Variants in OR7D4 observed in about 807,000 individuals in gnomAD.
OR7D4 encodes the protein olfactory receptor family 7 subfamily D member 4.
For missense variants in OR7D4, 319 were observed against 377.1 expected (o/e 0.85, Z 1.27); for synonymous variants, 154 against 158.4 (o/e 0.97, Z 0.21).
chr19:9,215,070 C>T lies in OR7D4; in HGVS notation c.-13-220G>A, dbSNP rs541408642. ...TTAGAAATCTCTCTCTTTGGCCGGGCATGGTGGCTCACGCCTGTAATCCCA... is the reference window on the plus strand; with the variant it reads ...TTAGAAATCTCTCTCTTTGGCCGGGTATGGTGGCTCACGCCTGTAATCCCA... On this transcript the variant is annotated intron_variant, in intron 1 of 1. Coordinates refer to ENST00000641669, the MANE Select transcript of OR7D4 (RefSeq NM_001005191.3). 2.0e-5 allele frequency among the ~76,000 whole-genome samples: 3 copies of T among 152,238 alleles called. No individual in the cohort carries two copies. The South Asian group carries it at 6.2e-4, about 32-fold the overall frequency.
chr19:9,211,683 A>G lies in OR7D4; in HGVS notation c.*2216T>C, dbSNP rs1226778074. On this transcript the variant is annotated 3_prime_UTR_variant, in exon 2 of 2. Coordinates refer to ENST00000641669, the MANE Select transcript of OR7D4 (RefSeq NM_001005191.3). ...CATGGTGAAACCCCATCTCTACTAAAAATACAAAAGATTAGCCGGGCATGG... is the reference window on the plus strand; with the variant it reads ...CATGGTGAAACCCCATCTCTACTAAGAATACAAAAGATTAGCCGGGCATGG... 2.6e-5 allele frequency: 4 copies of G among 151,464 alleles called. No homozygotes were observed. The highest frequency in any genetic ancestry group is 5.9e-5 in the Non-Finnish European group (4 of 68,050). 9.4% of individuals were successfully genotyped at this position (151,464 alleles called of 1,614,324 possible). A position where few individuals can be genotyped will look rare whatever the true frequency, so the allele number is the denominator to read the frequency against.
At chr19:9,217,900 G>C (rs2051227235) in intron 1 of OR7D4, among the ~76,000 whole-genome samples, 4 of 152,152 alleles carry the variant, frequency 2.6e-5, no homozygotes, top group Admixed American at 1.3e-4. Flanking sequence ...GCTGACAGAA[G>C]AGAATTCGAG....
rs944865091 is a variant in OR7D4, at chr19:9,210,732, C to G, written c.*3167G>C. 7 of 148,954 alleles carry G rather than the reference C, an allele frequency of 4.7e-5. No individual in the cohort carries two copies. The highest frequency in any genetic ancestry group is 1.3e-4 in the Admixed American group (2 of 15,088). 9.2% of individuals were successfully genotyped at this position (148,954 alleles called of 1,614,324 possible). On this transcript the variant is annotated 3_prime_UTR_variant, in exon 2 of 2. Coordinates refer to ENST00000641669, the MANE Select transcript of OR7D4 (RefSeq NM_001005191.3). ...CAACACACACAACACAGAGTCTACA[C>G]TAGGGAGTTCTCCGCCTGAAGTGAG...
chr19:9,218,120 G>A (rs1267784960), intron 1 of OR7D4, among the ~76,000 whole-genome samples: 1 of 152,290 alleles, frequency 6.6e-6, no homozygotes, highest in African/African-American at 2.4e-5. Context: ...AAGGATTTAC[G>A]TGGTGCCCAG....
Position 9,210,501 on chromosome 19 carries a change from G to GA in OR7D4, c.*3397_*3398insT, listed in dbSNP as rs1210193089. ...TGGTGGCGCAGGAGGATTACTTGAGGCCAGGAATTCAAGGCTGCAGTGAGC... is the reference window on the plus strand; with the variant it reads ...TGGTGGCGCAGGAGGATTACTTGAGGACCAGGAATTCAAGGCTGCAGTGAGC... On this transcript the variant is annotated 3_prime_UTR_variant, in exon 2 of 2. Coordinates refer to ENST00000641669, the MANE Select transcript of OR7D4 (RefSeq NM_001005191.3). 2.6e-5 allele frequency: 4 copies of GA among 152,188 alleles called. No individual in the cohort carries two copies. The highest frequency in any genetic ancestry group is 2.9e-5 in the Non-Finnish European group (2 of 68,120). The allele number at this position is 152,188 out of a possible 1,614,324, so 9.4% of individuals were successfully genotyped here.
At position 9,211,403 on chromosome 19, in the gene OR7D4, A is replaced by G. The variant is rs1041526906; in HGVS notation, c.*2496T>C. The stretch of plus-strand genomic sequence containing the variant: ...AAGATCAGCAGTTTCTAACATGCCA[A>G]CATAGATCAATCAGACAGAAAGAAT... On this transcript the variant is annotated 3_prime_UTR_variant, in exon 2 of 2. Transcript: ENST00000641669. 6.6e-6 allele frequency: 1 copy of G among 152,254 alleles called. No individual in the cohort carries two copies. The highest frequency in any genetic ancestry group is 1.5e-5 in the Non-Finnish European group (1 of 68,054). The allele number at this position is 152,254 out of a possible 1,614,324, so 9.4% of individuals were successfully genotyped here.
At chr19:9,218,018 A>T (rs2051229143) in intron 1 of OR7D4, among the ~76,000 whole-genome samples, 1 of 152,214 alleles carries the variant, frequency 6.6e-6, no homozygotes. Flanking sequence ...GAAATAGAAC[A>T]TCCTATATTC....
Position 9,214,301 on chromosome 19 carries a change from A to G in OR7D4, c.537T>C (p.Cys179=). Residue 179 remains cysteine (C), a synonymous_variant, in exon 2 of 2, where the codon TGT becomes TGC. Transcript: ENST00000641669. The part of the protein sequence containing the change: ...STGTEIPHFF[C]EPAQVLKVAC... ...CCACCTTGAGGACCTGAGCCGGTTCACAGAAGAAATGCGGAATCTCAGTGC... is the reference window on the plus strand; with the variant it reads ...CCACCTTGAGGACCTGAGCCGGTTCGCAGAAGAAATGCGGAATCTCAGTGC... The G allele has an allele frequency of 6.2e-7, 1 of 1,614,206 alleles. No individual in the cohort carries two copies. The highest frequency in any genetic ancestry group is 8.5e-7 in the Non-Finnish European group (1 of 1,180,034).
intron 1 of OR7D4, 41 bp from the exon 2 acceptor site, chr19:9,214,891 A>T: frequency 3.9e-6 from 4 of 1,037,688 alleles, no homozygotes; most frequent in Admixed American, 2.1e-5. Flanking sequence ...AATGAACAGC[A>T]AGTGGCAGCT....
At position 9,212,249 on chromosome 19, in the gene OR7D4, T is replaced by A. The variant is rs1440216610; in HGVS notation, c.*1650A>T. On this transcript the variant is annotated 3_prime_UTR_variant, in exon 2 of 2. Coordinates refer to ENST00000641669, the MANE Select transcript of OR7D4 (RefSeq NM_001005191.3). ...TTTTGTTTTATTTATTTATTTTGTT[T>A]TATGTTTTAGACAGAGTCTTGCTCT... The A allele has an allele frequency of 6.6e-6, 1 of 152,188 alleles. No individual in the cohort carries two copies. The highest frequency in any genetic ancestry group is 1.5e-5 in the Non-Finnish European group (1 of 68,028). The allele number at this position is 152,188 out of a possible 1,614,324, so 9.4% of individuals were successfully genotyped here. A position where few individuals can be genotyped will look rare whatever the true frequency, so the allele number is the denominator to read the frequency against.
chr19:9,217,728 A>G (rs2051225403), intron 1 of OR7D4, among the ~76,000 whole-genome samples: 1 of 152,112 alleles, frequency 6.6e-6, no homozygotes, highest in Admixed American at 6.6e-5. Context: ...TAGTAGAGAC[A>G]GGGTTTCACC....
rs757396855 is a variant in OR7D4, at chr19:9,213,978, G to A, written c.860C>T (p.Pro287Leu). The A allele has an allele frequency of 6.2e-7, 1 of 1,614,160 alleles. No individual in the cohort carries two copies. Among genetic ancestry groups the A allele is most frequent in the Non-Finnish European group, 8.5e-7 (1 of 1,180,030 alleles). The part of the protein sequence containing the change: ...MYAMVTPMLN[P>L]FIYSLRNKDV... ...CTTGTTCCTCAGGCTGTAGATGAAG[G>A]GGTTCAGCATGGGGGTGACCATGGC... The change falls in exon 2 of 2, where the codon CCC (proline) becomes CTC (leucine). Residue 287 changes from proline (P) to leucine (L), a missense_variant. Transcript: ENST00000641669.
intron 1 of OR7D4, among the ~76,000 whole-genome samples, chr19:9,218,645 G>C (rs549773169): frequency 2.0e-5 from 3 of 151,754 alleles, no homozygotes; most frequent in South Asian, 2.1e-4. Context: ...TTTTTTTTTG[G>C]GGGGGACATG....
chr19:9,214,725 G>A lies in OR7D4; in HGVS notation c.113C>T (p.Thr38Met), dbSNP rs74362829. Residue 38 changes from threonine (T) to methionine (M), a missense_variant, in exon 2 of 2, where the codon ACG becomes ATG. By Grantham distance (81) the Thr-to-Met change is moderately conservative (BLOSUM62 -1). Transcript: ENST00000641669. Reference sequence around the variant, plus strand: ...AATGATGAGCAGGTTCCCCAGCACCGTGACCAGGTACATGGACAGGAACAG... The same window carrying A: ...AATGATGAGCAGGTTCCCCAGCACCATGACCAGGTACATGGACAGGAACAG... ...FGLFLSMYLVTVLGNLLIILA... is the reference protein window; with the variant it reads ...FGLFLSMYLVMVLGNLLIILA... 1.0e-4 allele frequency: 169 copies of A among 1,613,968 alleles called. 1 individual carries two copies. The highest frequency in any genetic ancestry group is 6.5e-4 in the South Asian group (59 of 91,072).
chr19:9,215,920 A>G (rs1489369366), intron 1 of OR7D4, among the ~76,000 whole-genome samples: 1 of 152,168 alleles, frequency 6.6e-6, no homozygotes, highest in Non-Finnish European at 1.5e-5. Context: ...TTTACAACAG[A>G]AAGATGTTTA....
Position 9,214,446 on chromosome 19 carries a change from T to C in OR7D4, c.392A>G (p.His131Arg). 2 of 1,614,080 alleles carry C rather than the reference T, an allele frequency of 1.2e-6. No homozygotes were observed. The highest frequency in any genetic ancestry group is 1.1e-5 in the South Asian group (1 of 91,078). Residue 131 changes from histidine (H) to arginine (R), a missense_variant, in exon 2 of 2, where the codon CAC becomes CGC. Physicochemically the swap from His to Arg is conservative, Grantham distance 29. Coordinates refer to ENST00000641669, the MANE Select transcript of OR7D4 (RefSeq NM_001005191.3). ...DRFVAICHPL[H>R]YTVIMNPCLC... ...GCAGGGGTTCATGATGACCGTGTAG[T>C]GCAGTGGGTGGCAGATGGCCACAAA... is the stretch of plus-strand genomic sequence containing the variant.
In OR7D4 at chr19:9,213,867, G is replaced by T. The variant is rs769273875; in HGVS notation, c.*32C>A. On this transcript the variant is annotated 3_prime_UTR_variant, in exon 2 of 2. Transcript: ENST00000641669. ...ACAACATTTGCCTTAGGGGTACGCA[G>T]TGTGTCCTCTTAGTTCTGAGGCCCT... is the stretch of plus-strand genomic sequence containing the variant. 4.0e-5 allele frequency: 60 copies of T among 1,499,838 alleles called. No individual in the cohort carries two copies. The highest frequency in any genetic ancestry group is 5.3e-5 in the Non-Finnish European group (57 of 1,079,872). 92.9% of individuals were successfully genotyped at this position (1,499,838 alleles called of 1,614,324 possible).
At position 9,214,213 on chromosome 19, in the gene OR7D4, A is replaced by G. The variant is rs369459586; in HGVS notation, c.625T>C (p.Phe209Leu). The change falls in exon 2 of 2, where the codon TTT (phenylalanine) becomes CTT (leucine). Residue 209 changes from phenylalanine to leucine, a missense_variant. By Grantham distance (22) the Phe-to-Leu change is conservative (BLOSUM62 0). Coordinates refer to ENST00000641669, the MANE Select transcript of OR7D4 (RefSeq NM_001005191.3). ...LYVATALLGVFPVAGILFSYS... is the reference protein window; with the variant it reads ...LYVATALLGVLPVAGILFSYS... ...GAGAAGAGGATCCCAGCTACAGGAA[A>G]CACACCCAGCAGTGCCGTGGCCACA... 4.3e-6 allele frequency: 7 copies of G among 1,614,046 alleles called. No individual in the cohort carries two copies. In the African/African-American group the frequency reaches 8.0e-5, roughly 18 times the overall value.
chr19:9,214,866 G>A lies in OR7D4; in HGVS notation c.-13-16C>T. 1 of 1,431,010 alleles carries A rather than the reference G, an allele frequency of 7.0e-7. No homozygotes were observed. The highest frequency in any genetic ancestry group is 9.5e-7 in the Non-Finnish European group (1 of 1,048,770). The allele number at this position is 1,431,010 out of a possible 1,614,324, so 88.6% of individuals were successfully genotyped here. A position where few individuals can be genotyped will look rare whatever the true frequency, so the allele number is the denominator to read the frequency against. On this transcript the variant is annotated splice_polypyrimidine_tract_variant and intron_variant, in intron 1 of 1. Transcript: ENST00000641669. ...GCTGTTGTGTCTGCTGGGGAAGGAG[G>A]AAAAAGCAACGTTTAATGAACAGCA...
Sources: gnomAD v4.1 joint callset for allele counts (sites outside exome capture counted in the v4.1 genomes callset) on GRCh38, gnomAD v4.1.1 for gene constraint, MANE v1.5 for transcripts, NCBI Gene and HGNC (gene_info 2026-07-23, HGNC 2026-07-21) for gene names.